KAT6B: variants seen among roughly 807,000 people sequenced by gnomAD.
The protein encoded by KAT6B is lysine acetyltransferase 6B.
In KAT6B, 10 loss-of-function variants were observed where a neutral mutation model predicts 187.5. The observed-to-expected ratio is 0.05, with a 90% confidence interval of 0.03 to 0.09. KAT6B has a LOEUF of 0.09. Among genes scored for constraint, KAT6B ranks in the 10% least tolerant of loss-of-function variants. The pLI is 1.00. For synonymous variants in KAT6B, 861 were observed against 926.8 expected, an observed-to-expected ratio of 0.93 and a Z score of 1.29; for missense variants, 1,952 against 2,558.9, an observed-to-expected ratio of 0.76 and a Z score of 5.12.
At chr10:74,957,198 C>G (rs1564587581) in intron 3 of KAT6B, among the ~76,000 whole-genome samples, 1 of 152,138 alleles carries the variant, frequency 6.6e-6, no homozygotes, top group East Asian at 1.9e-4. Flanking sequence ...TCATTTCGTA[C>G]AAGTGACAAT....
intron 13 of KAT6B, among the ~76,000 whole-genome samples, chr10:75,015,569 A>G (rs1166440904): frequency 6.6e-6 from 1 of 152,206 alleles, no homozygotes; most frequent in African/African-American, 2.4e-5. Context: ...TGAGCGTACA[A>G]ACCAGTGAAT....
At chr10:75,025,616 A>T (rs1022432658) in intron 17 of KAT6B, 1 of 263,262 alleles carries the variant, frequency 3.8e-6, no homozygotes, top group African/African-American at 2.2e-5. Flanking sequence ...GGTATATATT[A>T]TTATCAGTGT....
chr10:74,943,643 A>G (rs957176314), intron 3 of KAT6B, among the ~76,000 whole-genome samples: 16 of 152,230 alleles, frequency 1.1e-4, no homozygotes, highest in African/African-American at 3.4e-4. Flanking sequence ...ATACACAAAA[A>G]TATACTAAAA....
In KAT6B at chr10:75,022,144, AGAG is replaced by A. The variant is rs776233286; in HGVS notation, c.3288_3290del (p.Glu1104del). Reference sequence around the variant, plus strand: ...AGGAAGAGGATGAAGAGGAGGAAGAAGAGGAAGAAGAAGAAGAAGAAGAAGAAA... The same window carrying A: ...AGGAAGAGGATGAAGAGGAGGAAGAAGAAGAAGAAGAAGAAGAAGAAGAAA... On this transcript the variant is annotated inframe_deletion, in exon 16 of 18. Transcript: ENST00000287239. 5 of 1,581,684 alleles carry A rather than the reference AGAG, an allele frequency of 3.2e-6. No individual in the cohort carries two copies. Among genetic ancestry groups the A allele is most frequent in the African/African-American group, 1.9e-5 (1 of 52,914 alleles).
rs1005156913 is a variant in KAT6B, at chr10:74,826,671, C to T, written c.-443C>T. On this transcript the variant is annotated 5_prime_UTR_variant, in exon 1 of 18. Coordinates refer to ENST00000287239, the MANE Select transcript of KAT6B (RefSeq NM_012330.4). The stretch of plus-strand genomic sequence containing the variant: ...AATGGCGGCGGCTTAGCTCCTACCC[C>T]TGGCGGCGGCGGCAGCGGTGGCGGA... The T allele has an allele frequency of 6.5e-6, 1 of 153,740 alleles. No individual in the cohort carries two copies. Among genetic ancestry groups the T allele is most frequent in the African/African-American group, 2.4e-5 (1 of 41,392 alleles). 9.5% of individuals were successfully genotyped at this position (153,740 alleles called of 1,614,324 possible). A position where few individuals can be genotyped will look rare whatever the true frequency, so the allele number is the denominator to read the frequency against.
At position 74,842,814 on chromosome 10, in the gene KAT6B, A is replaced by G; in HGVS notation, c.-44A>G. On this transcript the variant is annotated 5_prime_UTR_variant, in exon 3 of 18. Coordinates refer to ENST00000287239, the MANE Select transcript of KAT6B (RefSeq NM_012330.4). The stretch of plus-strand genomic sequence containing the variant: ...GCAAGTTCTGTTAAATACAAAGAGA[A>G]CCTCTATGGGTAACTTTTGTGTTGA... 1 of 1,609,706 alleles carries G rather than the reference A, an allele frequency of 6.2e-7. No individual in the cohort carries two copies. Among genetic ancestry groups the G allele is most frequent in the East Asian group, 2.2e-5 (1 of 44,882 alleles).
At chr10:74,838,265 A>G (rs1182728773) in intron 1 of KAT6B, among the ~76,000 whole-genome samples, 5 of 152,234 alleles carry the variant, frequency 3.3e-5, no homozygotes, top group Non-Finnish European at 5.9e-5. Context: ...AATGCTGCCC[A>G]GGAATGTGAA....
chr10:74,902,918 T>A (rs1400346952), intron 3 of KAT6B, among the ~76,000 whole-genome samples: 1 of 152,228 alleles, frequency 6.6e-6, no homozygotes, highest in Non-Finnish European at 1.5e-5. Context: ...TTAGTAGATG[T>A]TCAGTATTTG....
Position 74,843,148 on chromosome 10 carries a change from A to G in KAT6B, c.291A>G (p.Gly97=), listed in dbSNP as rs748901348. ...TFPKSAKGSR[G]SCNDLRNVDW... is the part of the protein sequence containing the mutation. ...CTAAGTCAGCCAAGGGGTCTAGAGGATCATGTAATGATCTCCGCAATGTGG... is the reference window on the plus strand; with the variant it reads ...CTAAGTCAGCCAAGGGGTCTAGAGGGTCATGTAATGATCTCCGCAATGTGG... The change falls in exon 3 of 18, where the codon GGA becomes GGG. Residue 97 remains glycine (G), a synonymous_variant. Transcript: ENST00000287239. The G allele has an allele frequency of 1.2e-6, 2 of 1,614,228 alleles. No homozygotes were observed. The highest frequency in any genetic ancestry group is 1.3e-5 in the African/African-American group (1 of 75,060).
At chr10:75,023,786 A>G (rs1845615541) in intron 16 of KAT6B, 1 of 152,210 alleles carries the variant, frequency 6.6e-6, no homozygotes, top group Non-Finnish European at 1.5e-5. Context: ...CAGGAGGATC[A>G]TTTGAGCTCA....
intron 3 of KAT6B, among the ~76,000 whole-genome samples, chr10:74,951,796 G>T (rs1193824776): frequency 6.6e-6 from 1 of 152,226 alleles, no homozygotes; most frequent in Admixed American, 6.5e-5. Flanking sequence ...TACATGTCGT[G>T]TTTGTGGTCA....
intron 3 of KAT6B, among the ~76,000 whole-genome samples, chr10:74,935,508 G>T (rs1849204699): frequency 6.6e-6 from 1 of 151,928 alleles, no homozygotes; most frequent in Admixed American, 6.6e-5. Context: ...CTATGTTGTT[G>T]CTCAGGCTGG....
intron 3 of KAT6B, among the ~76,000 whole-genome samples, chr10:74,939,399 G>T (rs549459798): frequency 7.2e-5 from 11 of 151,882 alleles, no homozygotes; most frequent in South Asian, 4.2e-4. Flanking sequence ...CTGTTTTTTT[G>T]TTGTTGTTGT....
chr10:74,878,887 C>T (rs969653215), intron 3 of KAT6B, among the ~76,000 whole-genome samples: 11 of 152,196 alleles, frequency 7.2e-5, no homozygotes, highest in Non-Finnish European at 1.2e-4. Context: ...CTCACTTGCT[C>T]ATCTCATTCT....
At chr10:74,922,383 C>T (rs893982944) in intron 3 of KAT6B, among the ~76,000 whole-genome samples, 7 of 152,160 alleles carry the variant, frequency 4.6e-5, no homozygotes, top group Middle Eastern at 3.4e-3. Context: ...TCCAGGAGCC[C>T]TTCATCCCAA....
chr10:74,865,943 C>T (rs1843522455), intron 3 of KAT6B, among the ~76,000 whole-genome samples: 1 of 152,116 alleles, frequency 6.6e-6, no homozygotes, highest in South Asian at 2.1e-4. Context: ...CGCTGGTCAA[C>T]TTACGTGCTG....
At chr10:74,967,933 T>G (rs1291950645) in intron 4 of KAT6B, among the ~76,000 whole-genome samples, 1 of 152,118 alleles carries the variant, frequency 6.6e-6, no homozygotes. Flanking sequence ...GTGCGTGAAA[T>G]TGAGGTCATA....
intron 13 of KAT6B, among the ~76,000 whole-genome samples, chr10:75,008,524 T>G (rs1267749203): frequency 2.0e-5 from 3 of 152,218 alleles, no homozygotes; most frequent in African/African-American, 7.2e-5. Flanking sequence ...GTTCATAGAC[T>G]AGGAGTCCTG....
intron 1 of KAT6B, among the ~76,000 whole-genome samples, chr10:74,832,657 A>G (rs1360227008): frequency 6.6e-6 from 1 of 151,650 alleles, no homozygotes; most frequent in Non-Finnish European, 1.5e-5. Flanking sequence ...ATGCGCCACC[A>G]CGCCTGCTAA....
Sources: gnomAD v4.1 joint callset for allele counts (sites outside exome capture counted in the v4.1 genomes callset) on GRCh38, gnomAD v4.1.1 for gene constraint, MANE v1.5 for transcripts, NCBI Gene and HGNC (gene_info 2026-07-23, HGNC 2026-07-21) for gene names.